Variants in NR3C1 observed in about 807,000 individuals in gnomAD.
The protein encoded by NR3C1 is nuclear receptor subfamily 3 group C member 1.
NR3C1 carries 14 observed loss-of-function variants against 74.0 expected under a neutral mutation model. The ratio of observed to expected loss-of-function variants is 0.19; its 90% CI spans 0.12 to 0.30. The LOEUF (loss-of-function observed/expected upper bound fraction) is 0.30, where lower values mean the gene tolerates loss of function less well. Ranked by LOEUF, NR3C1 falls within the 10% of genes least tolerant of loss-of-function variation. NR3C1 has a pLI of 1.00. For missense variants in NR3C1, 695 were observed against 909.8 expected (o/e 0.76, Z 3.04); for synonymous variants, 308 against 332.5 (o/e 0.93, Z 0.80).
intron 7 of NR3C1, chr5:143,294,080 A>G: frequency 1.0e-6 from 1 of 984,604 alleles, no homozygotes; most frequent in Non-Finnish European, 1.2e-6. Context: ...TCTTATATCC[A>G]TTAACATAAA....
Position 143,335,077 on chromosome 5 carries a change from C to A in NR3C1, c.1185-20909G>T, listed in dbSNP as rs17100234. Among the ~76,000 whole-genome samples, 1,385 of 152,260 alleles carry A rather than the reference C, an allele frequency of 9.1e-3. 57 individuals carry two copies. The East Asian group carries it at 0.12, about 13-fold the overall frequency. ...ACCTTCTTGACACTGCAGGGAGTAG[C>A]TGAAATGACTGGTTGACGCTATTTG... On this transcript the variant is annotated intron_variant, in intron 2 of 8. Transcript: ENST00000394464.
At chr5:143,381,560 T>C (rs1836245017) in intron 2 of NR3C1, among the ~76,000 whole-genome samples, 1 of 152,048 alleles carries the variant, frequency 6.6e-6, no homozygotes, top group Non-Finnish European at 1.5e-5. Flanking sequence ...AAAACTATAA[T>C]AACCCAAACA....
At chr5:143,370,459 T>C (rs1270075728) in intron 2 of NR3C1, among the ~76,000 whole-genome samples, 1 of 152,256 alleles carries the variant, frequency 6.6e-6, no homozygotes, top group African/African-American at 2.4e-5. Flanking sequence ...TAGCCAACTT[T>C]ACTTAGAGGG....
chr5:143,301,543 C>T (rs1818494814), intron 4 of NR3C1, among the ~76,000 whole-genome samples: 1 of 152,056 alleles, frequency 6.6e-6, no homozygotes, highest in Non-Finnish European at 1.5e-5. Context: ...TTTACCTTGA[C>T]TTGGTATGGA....
chr5:143,282,476 T>C (rs1219884277), intron 8 of NR3C1, 92 bp downstream of exon 8: 16 of 1,283,274 alleles, frequency 1.2e-5, no homozygotes, highest in Non-Finnish European at 1.7e-5. Context: ...GGGGCGGGGG[T>C]GGGGGCGCTG....
intron 7 of NR3C1, among the ~76,000 whole-genome samples, chr5:143,292,879 C>T (rs1275361251): frequency 1.3e-5 from 2 of 152,146 alleles, no homozygotes; most frequent in East Asian, 1.9e-4. Flanking sequence ...GGTGGTTTGT[C>T]CTATGACCTC....
intron 2 of NR3C1, among the ~76,000 whole-genome samples, chr5:143,383,275 C>A (rs1017284654): frequency 6.6e-6 from 1 of 152,148 alleles, no homozygotes; most frequent in Non-Finnish European, 1.5e-5. Context: ...TAGATTCTTA[C>A]AGTTCCAGTT....
At chr5:143,296,009 A>C (rs1817087845) in intron 6 of NR3C1, among the ~76,000 whole-genome samples, 1 of 152,210 alleles carries the variant, frequency 6.6e-6, no homozygotes, top group African/African-American at 2.4e-5. Flanking sequence ...GTCCATCCTA[A>C]AGACAAAAAT....
At chr5:143,282,249 A>C (rs376392309) in intron 8 of NR3C1, among the ~76,000 whole-genome samples, 1 of 152,220 alleles carries the variant, frequency 6.6e-6, no homozygotes, top group African/African-American at 2.4e-5. Flanking sequence ...TATTTCATGA[A>C]TCACTGTAGT....
At chr5:143,295,094 A>G (rs1176497095) in intron 7 of NR3C1, 2 of 985,292 alleles carry the variant, frequency 2.0e-6, no homozygotes, top group Non-Finnish European at 2.4e-6. Flanking sequence ...TCATTAGGAA[A>G]CTAAAATTTT....
chr5:143,283,491 G>GAGAT (rs1193497616), intron 7 of NR3C1, among the ~76,000 whole-genome samples: 3 of 152,298 alleles, frequency 2.0e-5, no homozygotes, highest in African/African-American at 7.2e-5. Flanking sequence ...TTCTAGTACT[G>GAGAT]AGATAGATAG....
At chr5:143,372,723 A>G (rs939220233) in intron 2 of NR3C1, among the ~76,000 whole-genome samples, 1 of 152,192 alleles carries the variant, frequency 6.6e-6, no homozygotes, top group African/African-American at 2.4e-5. Flanking sequence ...TGGGGAGGCT[A>G]AAACTGACCC....
At chr5:143,294,907 C>A (rs1281258034) in intron 7 of NR3C1, 2 of 984,426 alleles carry the variant, frequency 2.0e-6, no homozygotes, top group East Asian at 1.1e-4. Context: ...TTTGTCTTTG[C>A]TAGCTAAAAA....
chr5:143,282,156 T>C (rs1813234217), intron 8 of NR3C1, 115 bp from the exon 9 acceptor site: 2 of 1,053,704 alleles, frequency 1.9e-6, no homozygotes, highest in Middle Eastern at 2.0e-4. Context: ...CCAATCTCAC[T>C]GGAATTCCCC....
chr5:143,329,275 C>G (rs1183083408), intron 2 of NR3C1, among the ~76,000 whole-genome samples: 1 of 152,132 alleles, frequency 6.6e-6, no homozygotes, highest in Non-Finnish European at 1.5e-5. Context: ...TTGCGATCTC[C>G]CACACTATCA....
intron 1 of NR3C1, among the ~76,000 whole-genome samples, chr5:143,412,183 G>T (rs545643995): frequency 1.1e-4 from 16 of 145,478 alleles, no homozygotes; most frequent in African/African-American, 4.0e-4. Context: ...GCAGTTCTAG[G>T]ATTTCAAGGT....
chr5:143,432,742 G>C (rs1214840788), intron 1 of NR3C1, among the ~76,000 whole-genome samples: 1 of 152,100 alleles, frequency 6.6e-6, no homozygotes, highest in African/African-American at 2.4e-5. Context: ...GCTGCCCTTG[G>C]AAGCCTTCAT....
chr5:143,297,952 C>T (rs1450929167), intron 6 of NR3C1, among the ~76,000 whole-genome samples: 4 of 152,116 alleles, frequency 2.6e-5, no homozygotes, highest in African/African-American at 9.7e-5. Context: ...ATACTGAAGA[C>T]AATCTGTGTA....
intron 2 of NR3C1, among the ~76,000 whole-genome samples, chr5:143,342,282 C>T (rs1258389168): frequency 6.6e-6 from 1 of 152,186 alleles, no homozygotes; most frequent in African/African-American, 2.4e-5. Context: ...AAATCATCTA[C>T]AGGAATTATC....
Sources: gnomAD v4.1 joint callset for allele counts (sites outside exome capture counted in the v4.1 genomes callset) on GRCh38, gnomAD v4.1.1 for gene constraint, MANE v1.5 for transcripts, NCBI Gene and HGNC (gene_info 2026-07-23, HGNC 2026-07-21) for gene names.